SYT17: variants seen among roughly 807,000 people sequenced by gnomAD.
The protein encoded by SYT17 is synaptotagmin 17, also known as synaptotagmin-17.
In SYT17, 22 loss-of-function variants were observed where a neutral mutation model predicts 46.7. That is an observed-to-expected ratio of 0.47 (90% CI 0.34 to 0.67). The LOEUF (loss-of-function observed/expected upper bound fraction) is 0.67. Among genes scored for constraint, SYT17 ranks in the 30% least tolerant of loss-of-function variants. The probability of loss-of-function intolerance (pLI) is 0.01; values close to 1 mark genes in which losing one functional copy is unlikely to be tolerated. For missense variants in SYT17, 519 were observed against 612.8 expected (o/e 0.85, Z 1.62); for synonymous variants, 251 against 248.4 (o/e 1.01, Z -0.10).
At chr16:19,208,454 G>A (rs1003120746) in intron 5 of SYT17, among the ~76,000 whole-genome samples, 1 of 152,148 alleles carries the variant, frequency 6.6e-6, no homozygotes, top group African/African-American at 2.4e-5. Context: ...GGCTTACATG[G>A]CAGCAGGAGA....
At chr16:19,196,879 T>C (rs573121322) in intron 5 of SYT17, among the ~76,000 whole-genome samples, 2 of 152,228 alleles carry the variant, frequency 1.3e-5, no homozygotes, top group African/African-American at 4.8e-5. Context: ...CCAAAATACT[T>C]GATAATTTGA....
chr16:19,209,590 G>A (rs1224241355), intron 5 of SYT17, among the ~76,000 whole-genome samples: 1 of 152,166 alleles, frequency 6.6e-6, no homozygotes, highest in Non-Finnish European at 1.5e-5. Flanking sequence ...CAACATTTCG[G>A]CTGGGCGCGG....
At chr16:19,261,057 T>G (rs1020492263) in intron 7 of SYT17, among the ~76,000 whole-genome samples, 2 of 152,040 alleles carry the variant, frequency 1.3e-5, no homozygotes, top group African/African-American at 2.4e-5. Context: ...CCCAAGCTGG[T>G]CTCGAACTCC....
intron 7 of SYT17, among the ~76,000 whole-genome samples, chr16:19,240,224 A>G (rs1467029035): frequency 6.6e-6 from 1 of 152,134 alleles, no homozygotes; most frequent in African/African-American, 2.4e-5. Flanking sequence ...TAGCCCTGCC[A>G]TTTGGCAGGC....
At chr16:19,188,466 C>G (rs1412434356) in intron 5 of SYT17, among the ~76,000 whole-genome samples, 1 of 125,736 alleles carries the variant, frequency 8.0e-6, no homozygotes, top group South Asian at 2.7e-4. Flanking sequence ...CAAACCTGCA[C>G]TTATACTCCT....
At chr16:19,254,749 TATAC>T (rs1968441879) in intron 7 of SYT17, among the ~76,000 whole-genome samples, 2 of 152,310 alleles carry the variant, frequency 1.3e-5, no homozygotes, top group South Asian at 4.1e-4. Flanking sequence ...CAGTCAGATG[TATAC>T]ATTTTTGGTT....
chr16:19,213,087 C>T (rs1438547722), intron 5 of SYT17, among the ~76,000 whole-genome samples: 4 of 152,132 alleles, frequency 2.6e-5, no homozygotes, highest in Admixed American at 2.6e-4. Context: ...TCATAGCTTA[C>T]TAAAGCCTTG....
intron 5 of SYT17, among the ~76,000 whole-genome samples, chr16:19,213,694 A>C (rs576923059): frequency 6.6e-6 from 1 of 152,262 alleles, no homozygotes; most frequent in South Asian, 2.1e-4. Flanking sequence ...ATAAAAATAA[A>C]GAAAGTTTAG....
At chr16:19,244,143 C>T (rs376302066) in intron 7 of SYT17, among the ~76,000 whole-genome samples, 2 of 152,126 alleles carry the variant, frequency 1.3e-5, no homozygotes, top group African/African-American at 2.4e-5. Flanking sequence ...CTCAACTCAT[C>T]GCACAACAAC....
At chr16:19,233,725 G>T (rs1567224669) in intron 7 of SYT17, among the ~76,000 whole-genome samples, 1 of 152,132 alleles carries the variant, frequency 6.6e-6, no homozygotes, top group Non-Finnish European at 1.5e-5. Flanking sequence ...GAGGCAGAGG[G>T]TCTCCAGCAG....
At chr16:19,213,902 TA>T (rs1166099020) in intron 5 of SYT17, among the ~76,000 whole-genome samples, 2 of 152,180 alleles carry the variant, frequency 1.3e-5, no homozygotes, top group Non-Finnish European at 2.9e-5. Context: ...GTTATGTATT[TA>T]AAAAATCTGA....
In SYT17 at chr16:19,168,455, C is replaced by G; in HGVS notation, c.-192C>G. The G allele has an allele frequency of 1.4e-6, 1 of 704,458 alleles. No homozygotes were observed. The allele number at this position is 704,458 out of a possible 1,614,324, so 43.6% of individuals were successfully genotyped here. On this transcript the variant is annotated 5_prime_UTR_variant, in exon 1 of 8. Coordinates refer to ENST00000355377, the MANE Select transcript of SYT17 (RefSeq NM_016524.4). The surrounding 1 kb of genome is among the most constrained non-coding windows in gnomAD (Gnocchi z 6.9). ...GGCCCCGATTCCGAGAGCCGGAACG[C>G]AGGGAAAGGCAAGGACGGGGCGGCC...
intron 7 of SYT17, among the ~76,000 whole-genome samples, chr16:19,239,585 A>G (rs1164199416): frequency 6.6e-6 from 1 of 152,234 alleles, no homozygotes; most frequent in Non-Finnish European, 1.5e-5. Context: ...AAACACTTAA[A>G]TCGTGCTTCC....
chr16:19,179,062 A>G (rs1567198684), intron 3 of SYT17, among the ~76,000 whole-genome samples: 2 of 145,252 alleles, frequency 1.4e-5, no homozygotes, highest in South Asian at 2.1e-4. Context: ...TGATCGATCA[A>G]TCAATAAAAA....
intron 1 of SYT17, chr16:19,171,685 T>G (rs1184694822): frequency 1.3e-5 from 2 of 152,124 alleles, no homozygotes; most frequent in Non-Finnish European, 2.9e-5. Flanking sequence ...TTATTTTTAC[T>G]TTAAAAAAAT....
intron 5 of SYT17, among the ~76,000 whole-genome samples, chr16:19,194,772 A>AT (rs1490964716): frequency 1.3e-5 from 2 of 151,996 alleles, no homozygotes; most frequent in African/African-American, 4.8e-5. Context: ...TTTTTAAATT[A>AT]TTTTTTGTAG....
intron 7 of SYT17, among the ~76,000 whole-genome samples, chr16:19,242,162 C>T (rs1050383350): frequency 2.0e-5 from 3 of 152,036 alleles, no homozygotes; most frequent in Non-Finnish European, 4.4e-5. Context: ...TGAAGAAACA[C>T]AGAAAAACAG....
chr16:19,210,086 A>G (rs1965839838), intron 5 of SYT17, among the ~76,000 whole-genome samples: 1 of 138,302 alleles, frequency 7.2e-6, no homozygotes, highest in South Asian at 2.4e-4. Context: ...TTATTATTTT[A>G]TTTTTATTAG....
intron 7 of SYT17, among the ~76,000 whole-genome samples, chr16:19,229,667 A>T (rs1966612373): frequency 6.6e-6 from 1 of 152,236 alleles, no homozygotes; most frequent in Non-Finnish European, 1.5e-5. Flanking sequence ...TCAAAAAGTT[A>T]AAAATAGAAT....
Sources: allele counts gnomAD v4.1 joint callset (sites outside exome capture counted in the v4.1 genomes callset), GRCh38; gene constraint gnomAD v4.1.1; non-coding constraint Gnocchi (gnomAD v3.1); transcripts MANE v1.5; gene names NCBI Gene and HGNC (gene_info 2026-07-23, HGNC 2026-07-21).